Variants in DCAF6 observed in about 807,000 individuals in gnomAD.
DCAF6 encodes the protein DDB1- and CUL4-associated factor 6.
A neutral mutation model predicts 125.1 loss-of-function variants in DCAF6; 54 were observed. That is an observed-to-expected ratio of 0.43 (90% CI 0.35 to 0.54). The LOEUF (loss-of-function observed/expected upper bound fraction) is 0.54. Among genes scored for constraint, DCAF6 ranks in the 20% least tolerant of loss-of-function variants. DCAF6 has a pLI of 0.01. For missense variants in DCAF6, 934 were observed against 1,161.7 expected (o/e 0.80, Z 2.85); for synonymous variants, 371 against 390.4 (o/e 0.95, Z 0.58).
intron 1 of DCAF6, among the ~76,000 whole-genome samples, chr1:167,942,843 A>G (rs1198961131): frequency 6.6e-6 from 1 of 152,162 alleles, no homozygotes; most frequent in Non-Finnish European, 1.5e-5. Flanking sequence ...TTTCCTAGCC[A>G]CATTCCATTG....
chr1:167,959,568 T>A (rs1486934358), intron 2 of DCAF6, among the ~76,000 whole-genome samples: 1 of 152,218 alleles, frequency 6.6e-6, no homozygotes, highest in African/African-American at 2.4e-5. Flanking sequence ...GTATTTGATG[T>A]TGTCAGTGTT....
At chr1:167,962,923 G>A (rs1034779156) in intron 2 of DCAF6, among the ~76,000 whole-genome samples, 6 of 151,718 alleles carry the variant, frequency 4.0e-5, no homozygotes, top group Admixed American at 6.6e-5. Flanking sequence ...ACCACTGCAC[G>A]CCAGCCTGGC....
At position 167,987,613 on chromosome 1, in the gene DCAF6, G is replaced by A. The variant is rs1469660320; in HGVS notation, c.552+5G>A. 5 of 1,466,808 alleles carry A rather than the reference G, an allele frequency of 3.4e-6. No homozygotes were observed. In the Admixed American group the frequency reaches 8.5e-5, roughly 25 times the overall value. The allele number at this position is 1,466,808 out of a possible 1,614,324, so 90.9% of individuals were successfully genotyped here. On this transcript the variant is annotated splice_donor_5th_base_variant and intron_variant, in intron 5 of 21. Transcript: ENST00000367840. ...ACAAAAGAAGATTGTAAAGATGTAA[G>A]AATTAAATTTTTATACAAATGATGC... is the stretch of plus-strand genomic sequence containing the variant.
chr1:167,932,857 G>A (rs1670949466), upstream of DCAF6, among the ~76,000 whole-genome samples: 1 of 151,046 alleles, frequency 6.6e-6, no homozygotes, highest in Admixed American at 6.6e-5. Context: ...AAATAACACT[G>A]GGCAACATAA....
At chr1:167,994,931 A>G (rs1681432524) in intron 7 of DCAF6, among the ~76,000 whole-genome samples, 1 of 152,176 alleles carries the variant, frequency 6.6e-6, no homozygotes, top group Non-Finnish European at 1.5e-5. Flanking sequence ...TTCATTCCTC[A>G]TAATTTCAGG....
chr1:167,990,460 C>T (rs1680673087), intron 5 of DCAF6, among the ~76,000 whole-genome samples: 1 of 152,170 alleles, frequency 6.6e-6, no homozygotes, highest in African/African-American at 2.4e-5. Context: ...TCTTTGCTGT[C>T]AAGTGGACCA....
chr1:167,980,602 C>G (rs1051493443), intron 4 of DCAF6, among the ~76,000 whole-genome samples: 1 of 152,052 alleles, frequency 6.6e-6, no homozygotes, highest in African/African-American at 2.4e-5. Context: ...TCTTGGCCAT[C>G]TGTGTATCTT....
chr1:167,920,227 T>C, the DCAF6 span: 1 of 621,982 alleles, frequency 1.6e-6, no homozygotes, highest in East Asian at 2.9e-5. Flanking sequence ...GAATTTTCAA[T>C]GTTTCTGTAA....
the DCAF6 span, among the ~76,000 whole-genome samples, chr1:167,864,471 A>G: frequency 5.9e-5 from 9 of 152,296 alleles, no homozygotes; most frequent in East Asian, 1.7e-3. Context: ...AAGCCAAGGC[A>G]CACAGACCAG....
intron 7 of DCAF6, among the ~76,000 whole-genome samples, chr1:168,000,461 G>A (rs1349369373): frequency 2.6e-5 from 4 of 152,174 alleles, no homozygotes; most frequent in Non-Finnish European, 5.9e-5. Context: ...GTGAAGCAAA[G>A]TGCAATAAAA....
At chr1:167,994,746 T>C (rs1681407314) in intron 7 of DCAF6, among the ~76,000 whole-genome samples, 2 of 152,210 alleles carry the variant, frequency 1.3e-5, no homozygotes, top group African/African-American at 2.4e-5. Flanking sequence ...TTGGCTTTTT[T>C]ATTTTATAAT....
intron 4 of DCAF6, among the ~76,000 whole-genome samples, chr1:167,976,903 T>G (rs1271444087): frequency 3.9e-4 from 47 of 120,874 alleles, no homozygotes; most frequent in African/African-American, 1.6e-3. Context: ...TTTTTTTTTT[T>G]TTTTTTTTTT....
At chr1:167,989,309 T>G (rs1032444588) in intron 5 of DCAF6, among the ~76,000 whole-genome samples, 2 of 152,208 alleles carry the variant, frequency 1.3e-5, no homozygotes, top group African/African-American at 4.8e-5. Context: ...AGTGTTTCAG[T>G]GTAGTAAGAT....
the DCAF6 span, among the ~76,000 whole-genome samples, chr1:167,907,015 TA>T: frequency 1.3e-5 from 2 of 152,192 alleles, no homozygotes; most frequent in African/African-American, 4.8e-5. Flanking sequence ...TTGAAAAGTA[TA>T]ACAAGCATTG....
chr1:168,072,852 A>G (rs559561355), intron 21 of DCAF6, among the ~76,000 whole-genome samples: 12 of 152,122 alleles, frequency 7.9e-5, no homozygotes, highest in Non-Finnish European at 1.5e-4. Context: ...GTGTCTCTTC[A>G]TATCATTATC....
chr1:168,071,352 T>G (rs1176831809), intron 21 of DCAF6, among the ~76,000 whole-genome samples: 1 of 152,102 alleles, frequency 6.6e-6, no homozygotes, highest in African/African-American at 2.4e-5. Flanking sequence ...GCCTGTAATC[T>G]CAGCACTTTG....
the DCAF6 span, chr1:167,919,855 T>TA: frequency 8.6e-6 from 5 of 582,448 alleles, no homozygotes; most frequent in Admixed American, 3.3e-5. Context: ...TATGAATCTT[T>TA]TAAAAAAATT....
At chr1:167,966,344 C>T (rs1191639725) in intron 2 of DCAF6, among the ~76,000 whole-genome samples, 1 of 152,076 alleles carries the variant, frequency 6.6e-6, no homozygotes, top group East Asian at 1.9e-4. Context: ...GAATGTGGCC[C>T]ACATAAATTC....
intron 18 of DCAF6, among the ~76,000 whole-genome samples, chr1:168,064,156 C>CT (rs1256773481): frequency 7.3e-6 from 1 of 136,876 alleles, no homozygotes; most frequent in East Asian, 2.3e-4. Flanking sequence ...TCTATAAAAT[C>CT]TAAGTTGATT....
Sources: gnomAD v4.1 joint callset for allele counts (sites outside exome capture counted in the v4.1 genomes callset) on GRCh38, gnomAD v4.1.1 for gene constraint, MANE v1.5 for transcripts, NCBI Gene and HGNC (gene_info 2026-07-23, HGNC 2026-07-21) for gene names.